The following RECK variants were observed in gnomAD, a reference collection of about 807,000 sequenced individuals.
RECK encodes the protein reversion-inducing cysteine-rich protein with Kazal motifs.
Under a neutral mutation model 115.1 loss-of-function variants are expected in RECK, and 69 were observed. That is an observed-to-expected ratio of 0.60 (90% CI 0.49 to 0.73). The LOEUF (loss-of-function observed/expected upper bound fraction) is 0.73, where lower values mean the gene tolerates loss of function less well. Among genes scored for constraint, RECK ranks in the 30% least tolerant of loss-of-function variants. The pLI is 0.00. For synonymous variants in RECK, 414 were observed against 419.7 expected (o/e 0.99, Z 0.17); for missense variants, 1,047 against 1,203.7 (o/e 0.87, Z 1.93).
intron 2 of RECK, among the ~76,000 whole-genome samples, 177 bp from the exon 3 acceptor site, chr9:36,058,647 TATA>T (rs1166584456): frequency 6.7e-6 from 1 of 149,004 alleles, no homozygotes; most frequent in Non-Finnish European, 1.5e-5. Flanking sequence ...AAACTTAAAG[TATA>T]ATAATAATTA....
intron 14 of RECK, 56 bp from the exon 15 acceptor site, chr9:36,109,901 G>T: frequency 6.8e-7 from 1 of 1,469,312 alleles, no homozygotes; most frequent in East Asian, 2.3e-5. Context: ...ATTGTAATAC[G>T]TGCTCTATTT....
chr9:36,108,314 C>A, intron 14 of RECK, 150 bp downstream of exon 14: 1 of 495,134 alleles, frequency 2.0e-6, no homozygotes, highest in Non-Finnish European at 3.5e-6. Flanking sequence ...AGCACTAGGA[C>A]TTCTAAGGAA....
At chr9:36,109,553 A>T (rs144502125) in intron 14 of RECK, among the ~76,000 whole-genome samples, 21 of 152,354 alleles carry the variant, frequency 1.4e-4, no homozygotes, top group African/African-American at 5.1e-4. Flanking sequence ...TCATCTTTCA[A>T]GAATTTCTGG....
At position 36,079,170 on chromosome 9, in the gene RECK, C is replaced by T. The variant is rs549474084; in HGVS notation, c.406-1435C>T. On this transcript the variant is annotated intron_variant, in intron 6 of 20. Transcript: ENST00000377966. ...TCGGCCTCCCAAAGTGCTGGGATTACAGGTGTGAGCCACCTCGCCCAGCTG... is the reference window on the plus strand; with the variant it reads ...TCGGCCTCCCAAAGTGCTGGGATTATAGGTGTGAGCCACCTCGCCCAGCTG... 2.8e-3 allele frequency among the ~76,000 whole-genome samples: 420 copies of T among 152,304 alleles called. 3 individuals are homozygous for T. Among genetic ancestry groups the T allele is most frequent in the African/African-American group, 9.7e-3 (403 of 41,572 alleles).
At chr9:36,114,632 C>T (rs562270051) in intron 16 of RECK, among the ~76,000 whole-genome samples, 29 of 152,336 alleles carry the variant, frequency 1.9e-4, no homozygotes, top group African/African-American at 6.5e-4. Context: ...GCAGGCAGAT[C>T]GCTTGAGCTC....
intron 2 of RECK, among the ~76,000 whole-genome samples, chr9:36,058,053 TG>T (rs1443340309): frequency 6.7e-6 from 1 of 149,622 alleles, no homozygotes; most frequent in Non-Finnish European, 1.5e-5. Flanking sequence ...ACACTGTTGG[TG>T]GGACTGTAAA....
intron 6 of RECK, among the ~76,000 whole-genome samples, chr9:36,075,563 T>C (rs1822417401): frequency 6.6e-6 from 1 of 152,218 alleles, no homozygotes; most frequent in South Asian, 2.1e-4. Flanking sequence ...TTGACATTCA[T>C]GGTATCCACA....
Position 36,118,740 on chromosome 9 carries a change from G to C in RECK, c.2254-17G>C. 6.2e-7 allele frequency: 1 copy of C among 1,610,972 alleles called. No individual in the cohort carries two copies. The highest frequency in any genetic ancestry group is 1.1e-5 in the South Asian group (1 of 90,960). ...ACATAGACATTTCCAGGCTAAATGTGATTTGTTTGCCCTCAGCCCTTTTGC... is the reference window on the plus strand; with the variant it reads ...ACATAGACATTTCCAGGCTAAATGTCATTTGTTTGCCCTCAGCCCTTTTGC... On this transcript the variant is annotated splice_polypyrimidine_tract_variant and intron_variant, in intron 17 of 20. Transcript: ENST00000377966.
rs773825208 is a variant in RECK, at chr9:36,087,807, A to G, written c.751A>G (p.Lys251Glu). 2 of 1,614,030 alleles carry G rather than the reference A, an allele frequency of 1.2e-6. No individual in the cohort carries two copies. Among genetic ancestry groups the G allele is most frequent in the Non-Finnish European group, 8.5e-7 (1 of 1,179,916 alleles). Residue 251 changes from lysine to glutamate, a missense_variant, in exon 9 of 21, where the codon AAG becomes GAG. Transcript: ENST00000377966. ...EIVDGLIEGC[K>E]TQPLPQDPLW... ...TGTTGATGGTCTCATCGAGGGTTGTAAGACCCAGCCCTTGCCTCAAGATCC... is the reference window on the plus strand; with the variant it reads ...TGTTGATGGTCTCATCGAGGGTTGTGAGACCCAGCCCTTGCCTCAAGATCC...
intron 2 of RECK, among the ~76,000 whole-genome samples, chr9:36,054,111 A>G (rs1291778995): frequency 2.0e-5 from 3 of 152,194 alleles, no homozygotes; most frequent in Non-Finnish European, 4.4e-5. Context: ...CAGGGCTGTT[A>G]AAACTCGTAG....
chr9:36,102,150 A>T lies in RECK; in HGVS notation c.1355A>T (p.Asp452Val), dbSNP rs1281139643. 6.2e-7 allele frequency: 1 copy of T among 1,613,718 alleles called. No individual in the cohort carries two copies. Residue 452 changes from aspartate to valine, a missense_variant, in exon 12 of 21, where the codon GAC (aspartate) becomes GTC (valine). By Grantham distance (152) the Asp-to-Val change is radical. Coordinates refer to ENST00000377966, the MANE Select transcript of RECK (RefSeq NM_021111.3). ...GGAGACCAGAACAAATTCCCTGAAG[A>T]CCACACAGCTGAAAGTATTTGTGAG... is the stretch of plus-strand genomic sequence containing the variant. Reference protein sequence around the residue: ...KCGDQNKFPEDHTAESICELL... With the variant: ...KCGDQNKFPEVHTAESICELL...
At chr9:36,103,034 A>G (rs552925012) in intron 12 of RECK, among the ~76,000 whole-genome samples, 1 of 152,178 alleles carries the variant, frequency 6.6e-6, no homozygotes, top group Admixed American at 6.5e-5. Flanking sequence ...TTCTCTGCCA[A>G]ATACTCCCGC....
At chr9:36,121,100 C>T (rs923289969) in intron 19 of RECK, among the ~76,000 whole-genome samples, 6 of 152,216 alleles carry the variant, frequency 3.9e-5, no homozygotes, top group Non-Finnish European at 5.9e-5. Flanking sequence ...CACCAGTCCC[C>T]GTGCCTCCTG....
chr9:36,063,170 A>T (rs553252266), intron 4 of RECK, among the ~76,000 whole-genome samples: 2 of 152,138 alleles, frequency 1.3e-5, no homozygotes, highest in Admixed American at 1.3e-4. Context: ...TAATTTTATC[A>T]TCTTTCAGTT....
In RECK at chr9:36,064,717, G is replaced by A. The variant is rs546876275; in HGVS notation, c.357+837G>A. On this transcript the variant is annotated intron_variant, in intron 5 of 20. Transcript: ENST00000377966. Reference sequence around the variant, plus strand: ...ATTGAGGTGAAGCTGAGTTGCAGAGGATTTGAAGTATAATGAATTTAGTGA... The same window carrying A: ...ATTGAGGTGAAGCTGAGTTGCAGAGAATTTGAAGTATAATGAATTTAGTGA... Among the ~76,000 whole-genome samples, 4 of 152,288 alleles carry A rather than the reference G, an allele frequency of 2.6e-5. 1 individual carries two copies. In the South Asian group the frequency reaches 8.3e-4, roughly 32 times the overall value.
At chr9:36,073,241 G>GACACACACACACACACACACAC (rs778489595) in intron 6 of RECK, among the ~76,000 whole-genome samples, 10 of 67,486 alleles carry the variant, frequency 1.5e-4, no homozygotes, top group South Asian at 7.8e-4. Flanking sequence ...GACACACACA[G>GACACACACACACACACACACAC]ACACACACAC....
At chr9:36,077,415 A>G (rs773295672) in intron 6 of RECK, among the ~76,000 whole-genome samples, 16 of 152,212 alleles carry the variant, frequency 1.1e-4, no homozygotes, top group Admixed American at 1.3e-4. Flanking sequence ...CAGCAGTATT[A>G]AAGTGGTAAA....
rs756339071 is a variant in RECK at position 36,123,023 on chromosome 9, A to G, written c.2894A>G (p.His965Arg). 5 of 1,613,934 alleles carry G rather than the reference A, an allele frequency of 3.1e-6. No homozygotes were observed. The highest frequency in any genetic ancestry group is 1.7e-6 in the Non-Finnish European group (2 of 1,179,952). ...LLPLSLGLAL[H>R]LLWTYN is the part of the protein sequence containing the mutation. ...CCCCTCAGCTTGGGCCTTGCCTTGC[A>G]CTTGCTCTGGACATATAACTGACTG... The change falls in exon 21 of 21, where the codon CAC becomes CGC. Residue 965 changes from histidine to arginine, a missense_variant. Physicochemically the swap from His to Arg is conservative, Grantham distance 29. Transcript: ENST00000377966.
At chr9:36,063,733 T>A in intron 4 of RECK, 62 bp from the exon 5 acceptor site, 2 of 1,468,494 alleles carry the variant, frequency 1.4e-6, no homozygotes, top group South Asian at 2.3e-5. Flanking sequence ...TTGAAACATC[T>A]GGCATGCTAT....
Sources: gnomAD v4.1 joint callset for allele counts (sites outside exome capture counted in the v4.1 genomes callset) on GRCh38, gnomAD v4.1.1 for gene constraint, MANE v1.5 for transcripts, NCBI Gene and HGNC (gene_info 2026-07-23, HGNC 2026-07-21) for gene names.